Variants in TBC1D12 observed in about 807,000 individuals in gnomAD.
TBC1D12 encodes TBC1 domain family member 12.
In TBC1D12, 56 loss-of-function variants were observed where a neutral mutation model predicts 86.7. The observed-to-expected ratio is 0.65, with a 90% CI of 0.52 to 0.81. TBC1D12 has a LOEUF of 0.81. Ranked by LOEUF, TBC1D12 falls within the 30% of genes least tolerant of loss-of-function variation. The probability of loss-of-function intolerance (pLI) is 0.00; values close to 1 mark genes in which losing one functional copy is unlikely to be tolerated. For synonymous variants in TBC1D12, 421 were observed against 411.7 expected, an observed-to-expected ratio of 1.02 and a Z score of -0.27; for missense variants, 1,023 against 1,038.8, an observed-to-expected ratio of 0.98 and a Z score of 0.21.
At chr10:94,423,392 G>A (rs184346508) in intron 1 of TBC1D12, among the ~76,000 whole-genome samples, 6 of 129,028 alleles carry the variant, frequency 4.7e-5, no homozygotes, top group African/African-American at 1.4e-4. Flanking sequence ...TTGTTGCCCA[G>A]GCTGGAGTGC....
intron 2 of TBC1D12, among the ~76,000 whole-genome samples, chr10:94,469,447 CTTTTTTTTTTT>C (rs71031578): frequency 5.3e-5 from 6 of 112,558 alleles, no homozygotes; most frequent in Non-Finnish European, 8.7e-5. Context: ...GAGTTTTTTC[CTTTTTTTTTTT>C]TTTTTTTTGA....
intron 2 of TBC1D12, among the ~76,000 whole-genome samples, chr10:94,467,619 C>T (rs1295279902): frequency 6.6e-6 from 1 of 151,552 alleles, no homozygotes; most frequent in Non-Finnish European, 1.5e-5. Context: ...ACTGTTTTGT[C>T]ATAGACATAC....
intron 9 of TBC1D12, among the ~76,000 whole-genome samples, chr10:94,517,511 T>C (rs1057404827): frequency 6.6e-6 from 1 of 151,570 alleles, no homozygotes; most frequent in Non-Finnish European, 1.5e-5. Context: ...GTTTTAAATA[T>C]TTTTTTTTAC....
chr10:94,451,428 G>C (rs2055548129), intron 2 of TBC1D12, among the ~76,000 whole-genome samples: 1 of 152,050 alleles, frequency 6.6e-6, no homozygotes, highest in African/African-American at 2.4e-5. Context: ...TGGATGATTA[G>C]AACTACCTAG....
chr10:94,402,880 G>T lies in TBC1D12; in HGVS notation c.267G>T (p.Pro89=), dbSNP rs755379761. 1.3e-6 allele frequency: 2 copies of T among 1,504,952 alleles called. No individual in the cohort carries two copies. Among genetic ancestry groups the T allele is most frequent in the Non-Finnish European group, 1.8e-6 (2 of 1,131,632 alleles). The allele number at this position is 1,504,952 out of a possible 1,614,324, so 93.2% of individuals were successfully genotyped here. ...EQLEPGLCYC[P]LPAGQAGAPP... is the part of the protein sequence containing the mutation. Reference sequence around the variant, plus strand: ...TGGAGCCGGGGCTCTGCTACTGTCCGCTCCCCGCTGGCCAGGCCGGCGCCC... The same window carrying T: ...TGGAGCCGGGGCTCTGCTACTGTCCTCTCCCCGCTGGCCAGGCCGGCGCCC... The change falls in exon 1 of 13, where the codon CCG becomes CCT. Residue 89 remains proline (P), a synonymous_variant. Transcript: ENST00000225235.
chr10:94,484,148 A>G (rs535713613), intron 3 of TBC1D12, among the ~76,000 whole-genome samples: 5 of 150,956 alleles, frequency 3.3e-5, no homozygotes, highest in South Asian at 2.1e-4. Flanking sequence ...TTATGTGTCT[A>G]TTTTTATCCC....
intron 3 of TBC1D12, among the ~76,000 whole-genome samples, chr10:94,484,032 A>T (rs1174260247): frequency 6.6e-6 from 1 of 152,124 alleles, no homozygotes; most frequent in African/African-American, 2.4e-5. Context: ...TTTATTGAAG[A>T]GACTGTTTTT....
chr10:94,437,305 C>A (rs1282754866), intron 1 of TBC1D12, among the ~76,000 whole-genome samples: 1 of 151,770 alleles, frequency 6.6e-6, no homozygotes, highest in Non-Finnish European at 1.5e-5. Context: ...TGTCTTTCCT[C>A]AGATTTGGGA....
Position 94,522,100 on chromosome 10 carries a change from T to A in TBC1D12, c.1890+17T>A. 1 of 1,602,740 alleles carries A rather than the reference T, an allele frequency of 6.2e-7. No individual in the cohort carries two copies. Among genetic ancestry groups the A allele is most frequent in the Non-Finnish European group, 8.5e-7 (1 of 1,172,632 alleles). ...CACAGCATGGTATGAATGGATCATG[T>A]TTTCCATTGTTTCTGTAGTTTGAAT... On this transcript the variant is annotated intron_variant, in intron 10 of 12. Transcript: ENST00000225235.
rs1342366106 is a variant in TBC1D12 at position 94,534,934 on chromosome 10, G to C, written c.*1838G>C. On this transcript the variant is annotated 3_prime_UTR_variant, in exon 13 of 13. Transcript: ENST00000225235. ...CACTGAAAAGTAAATTGGGGAAAAT[G>C]CTGCTTTTACTATTTTGCATTTTAT... 6.6e-6 allele frequency: 1 copy of C among 152,128 alleles called. No individual in the cohort carries two copies. Among genetic ancestry groups the C allele is most frequent in the African/African-American group, 2.4e-5 (1 of 41,430 alleles). 9.4% of individuals were successfully genotyped at this position (152,128 alleles called of 1,614,324 possible).
chr10:94,422,352 G>A (rs187839943), intron 1 of TBC1D12, among the ~76,000 whole-genome samples: 1 of 151,486 alleles, frequency 6.6e-6, no homozygotes, highest in South Asian at 2.1e-4. Flanking sequence ...ACCACACCCA[G>A]CCAATTTTTG....
chr10:94,513,942 T>C (rs2056556041), intron 9 of TBC1D12, among the ~76,000 whole-genome samples: 2 of 152,080 alleles, frequency 1.3e-5, no homozygotes, highest in African/African-American at 2.4e-5. Context: ...TCTGACATTT[T>C]TTGTAATGAG....
intron 7 of TBC1D12, among the ~76,000 whole-genome samples, chr10:94,507,980 C>T (rs2056481965): frequency 6.6e-6 from 1 of 151,964 alleles, no homozygotes; most frequent in African/African-American, 2.4e-5. Flanking sequence ...GACTTCATCT[C>T]CAAAGAAAAA....
intron 1 of TBC1D12, among the ~76,000 whole-genome samples, chr10:94,441,518 A>G (rs930927334): frequency 7.9e-5 from 12 of 151,902 alleles, no homozygotes; most frequent in Middle Eastern, 3.2e-3. Flanking sequence ...TTTCCTTCCA[A>G]TTTGTTTATC....
intron 3 of TBC1D12, among the ~76,000 whole-genome samples, chr10:94,491,198 G>A (rs1294430881): frequency 6.6e-6 from 1 of 152,160 alleles, no homozygotes; most frequent in Non-Finnish European, 1.5e-5. Flanking sequence ...TAAGGGGAAA[G>A]GGTAAACCTG....
At chr10:94,436,460 T>A (rs1475449157) in intron 1 of TBC1D12, among the ~76,000 whole-genome samples, 1 of 152,056 alleles carries the variant, frequency 6.6e-6, no homozygotes, top group Non-Finnish European at 1.5e-5. Flanking sequence ...AACATAAATT[T>A]TTGAGTTTCC....
At chr10:94,457,346 G>A (rs899668285) in intron 2 of TBC1D12, among the ~76,000 whole-genome samples, 5 of 151,560 alleles carry the variant, frequency 3.3e-5, no homozygotes, top group African/African-American at 1.2e-4. Flanking sequence ...GGGTTTTTTT[G>A]TAGGCAACAC....
chr10:94,474,577 A>G, intron 2 of TBC1D12, 91 bp from the exon 3 acceptor site: 1 of 916,516 alleles, frequency 1.1e-6, no homozygotes, highest in Non-Finnish European at 1.7e-6. Flanking sequence ...TGTATCCCTC[A>G]TTATAGCATA....
chr10:94,448,742 G>C (rs979300883), intron 2 of TBC1D12, among the ~76,000 whole-genome samples: 1 of 151,974 alleles, frequency 6.6e-6, no homozygotes, highest in African/African-American at 2.4e-5. Flanking sequence ...GCCTCCCAAA[G>C]TGTTGGGATT....
Sources: gnomAD v4.1 joint callset for allele counts (sites outside exome capture counted in the v4.1 genomes callset) on GRCh38, gnomAD v4.1.1 for gene constraint, MANE v1.5 for transcripts, NCBI Gene and HGNC (gene_info 2026-07-23, HGNC 2026-07-21) for gene names.